The following TEX2 variants were observed in gnomAD, a reference collection of about 807,000 sequenced individuals.
The protein encoded by TEX2 is testis-expressed protein 2.
A neutral mutation model predicts 106.9 loss-of-function variants in TEX2; 53 were observed. That is an observed-to-expected ratio of 0.50 (90% CI 0.40 to 0.62). TEX2 has a LOEUF of 0.62. Among genes scored for constraint, TEX2 ranks in the 20% least tolerant of loss-of-function variants. The probability of loss-of-function intolerance (pLI) is 0.00; values close to 1 mark genes in which losing one functional copy is unlikely to be tolerated. For missense variants in TEX2, 1,207 were observed against 1,379.0 expected (o/e 0.88, Z 1.98); for synonymous variants, 523 against 534.8 (o/e 0.98, Z 0.30).
At position 64,213,735 on chromosome 17, in the gene TEX2, G is replaced by A. The variant is rs2033097380; in HGVS notation, c.483C>T (p.Ser161=). ...SSLSEQKTSS[S]SPLSSPSKSP... is the part of the protein sequence containing the mutation. ...ACTTAGAAGGAGAGGACAATGGGGA[G>A]GAAGAACTGGTTTTCTGCTCAGAAA... Residue 161 remains serine, a synonymous_variant, in exon 2 of 12, where the codon TCC becomes TCT. Transcript: ENST00000584379. The surrounding 1 kb of genome is among the most constrained non-coding windows in gnomAD (Gnocchi z 4.4). 3 of 1,614,054 alleles carry A rather than the reference G, an allele frequency of 1.9e-6. No individual in the cohort carries two copies. The highest frequency in any genetic ancestry group is 8.5e-7 in the Non-Finnish European group (1 of 1,180,052).
chr17:64,240,098 A>G (rs1424030494), intron 1 of TEX2, among the ~76,000 whole-genome samples: 5 of 152,058 alleles, frequency 3.3e-5, no homozygotes, highest in Non-Finnish European at 7.4e-5. Context: ...GGGGGAAAAT[A>G]CAAACTAGTA....
chr17:64,243,683 G>T (rs1354394565), intron 1 of TEX2, among the ~76,000 whole-genome samples: 3 of 152,108 alleles, frequency 2.0e-5, no homozygotes, highest in African/African-American at 4.8e-5. Flanking sequence ...TTAAATGAAG[G>T]GTTCTTAACA....
intron 1 of TEX2, among the ~76,000 whole-genome samples, chr17:64,235,636 A>C (rs1179969065): frequency 6.6e-6 from 1 of 152,218 alleles, no homozygotes; most frequent in African/African-American, 2.4e-5. Context: ...TATTAGGGAT[A>C]TATGTTCCAT....
At chr17:64,170,021 T>A (rs1938277232) in intron 7 of TEX2, among the ~76,000 whole-genome samples, 1 of 152,144 alleles carries the variant, frequency 6.6e-6, no homozygotes, top group South Asian at 2.1e-4. Context: ...TACTAAATTT[T>A]CCCTGTCAAG....
At position 64,153,014 on chromosome 17, in the gene TEX2, G is replaced by A; in HGVS notation, c.3071C>T (p.Thr1024Ile). The A allele has an allele frequency of 6.2e-7, 1 of 1,614,222 alleles. No homozygotes were observed. Among genetic ancestry groups the A allele is most frequent in the Non-Finnish European group, 8.5e-7 (1 of 1,180,040 alleles). The change falls in exon 10 of 12, where the codon ACT becomes ATT. Residue 1024 changes from threonine (T) to isoleucine (I), a missense_variant. This residue lies in a region of TEX2 where 63 missense variants were observed against 112.2 expected (regional missense o/e 0.56). Coordinates refer to ENST00000584379, the MANE Select transcript of TEX2 (RefSeq NM_001288732.2). The surrounding 1 kb of genome is among the most constrained non-coding windows in gnomAD (Gnocchi z 4.1). ...TCCTCTACATTCTTGTACTTCAACA[G>A]TGAGCAGCAGGGGTGTGTTGGAGAC... ...EEVSNTPLLL[T>I]VEVQECRGTL...
chr17:64,216,781 CCACACACT>C (rs2033200867), intron 1 of TEX2, among the ~76,000 whole-genome samples: 2 of 152,288 alleles, frequency 1.3e-5, no homozygotes, highest in South Asian at 4.1e-4. Flanking sequence ...GCCTAATCCT[CCACACACT>C]TGGGCCCCCT....
intron 5 of TEX2, 72 bp from the exon 6 acceptor site, chr17:64,177,543 AGTCACTGAAG>A (rs1360756964): frequency 2.0e-6 from 3 of 1,528,562 alleles, no homozygotes; most frequent in Non-Finnish European, 2.7e-6. Flanking sequence ...ATTTTTATAA[AGTCACTGAAG>A]GTCCCTCCTT....
chr17:64,200,699 T>C (rs1488235218), intron 2 of TEX2, among the ~76,000 whole-genome samples: 6 of 152,142 alleles, frequency 3.9e-5, no homozygotes, highest in African/African-American at 1.4e-4. Flanking sequence ...CACAAAACCT[T>C]ACCTGCTGCA....
At chr17:64,165,035 G>A (rs955926786) in intron 7 of TEX2, among the ~76,000 whole-genome samples, 2 of 152,200 alleles carry the variant, frequency 1.3e-5, no homozygotes, top group Admixed American at 6.5e-5. Flanking sequence ...TGGTCCTCAC[G>A]TTATTTTCTC....
At chr17:64,249,095 C>T (rs1555636637) in intron 1 of TEX2, among the ~76,000 whole-genome samples, 1 of 151,850 alleles carries the variant, frequency 6.6e-6, no homozygotes, top group Non-Finnish European at 1.5e-5. Flanking sequence ...GCCCCCATAC[C>T]TACTGTTTAC....
Position 64,247,640 on chromosome 17 carries a change from T to C in TEX2, c.-26+15528A>G, listed in dbSNP as rs566360998. Among the ~76,000 whole-genome samples the C allele has an allele frequency of 1.7e-4, 26 of 152,350 alleles. No individual in the cohort carries two copies. The East Asian group carries it at 5.0e-3, about 29-fold the overall frequency. ...CTGCAGTTCGCTCACCGGTGTTGTC[T>C]GTGCTCCAGGTTCTTCTACCGTGAA... On this transcript the variant is annotated intron_variant, in intron 1 of 11. Coordinates refer to ENST00000584379, the MANE Select transcript of TEX2 (RefSeq NM_001288732.2).
rs782452945 is a variant in TEX2, at chr17:64,213,452, T to C, written c.766A>G (p.Thr256Ala). The change falls in exon 2 of 12, where the codon ACA becomes GCA. Residue 256 changes from threonine to alanine, a missense_variant. By Grantham distance (58) the Thr-to-Ala change is moderately conservative. Around this residue, in one of 3 missense-constraint regions of TEX2, gnomAD observed 1,067 missense variants for 1,193.6 expected, o/e 0.89. Transcript: ENST00000584379. The surrounding 1 kb of genome is among the most constrained non-coding windows in gnomAD (Gnocchi z 4.4). The part of the protein sequence containing the change: ...LFKQFTQPRN[T>A]GGDSKTAPSS... ...GGTGCAGTTTTGGAATCTCCACCTGTGTTTCGGGGCTGTGTGAACTGCTTG... is the reference window on the plus strand; with the variant it reads ...GGTGCAGTTTTGGAATCTCCACCTGCGTTTCGGGGCTGTGTGAACTGCTTG... 1 of 1,614,126 alleles carries C rather than the reference T, an allele frequency of 6.2e-7. No individual in the cohort carries two copies. The highest frequency in any genetic ancestry group is 1.7e-5 in the Admixed American group (1 of 60,020).
rs373780985 is a variant in TEX2 at position 64,213,733 on chromosome 17, G to T, written c.485C>A (p.Ser162Tyr). Residue 162 changes from serine (S) to tyrosine (Y), a missense_variant, in exon 2 of 12, where the codon TCC becomes TAC. By Grantham distance (144) the Ser-to-Tyr change is moderately radical. This residue lies in a region of TEX2 where 1,067 missense variants were observed against 1,193.6 expected (regional missense o/e 0.89). Transcript: ENST00000584379. This position sits in a 1 kb window ranked among gnomAD's most constrained non-coding sequence, Gnocchi z 4.4. ...SLSEQKTSSS[S>Y]PLSSPSKSPI... ...AGACTTAGAAGGAGAGGACAATGGG[G>T]AGGAAGAACTGGTTTTCTGCTCAGA... 25 of 1,614,184 alleles carry T rather than the reference G, an allele frequency of 1.5e-5. No individual in the cohort carries two copies. Among genetic ancestry groups the T allele is most frequent in the Non-Finnish European group, 2.1e-5 (25 of 1,180,036 alleles).
intron 2 of TEX2, among the ~76,000 whole-genome samples, chr17:64,211,896 C>A (rs181944014): frequency 9.2e-5 from 14 of 152,336 alleles, no homozygotes; most frequent in African/African-American, 3.4e-4. Flanking sequence ...CCTGTAATCC[C>A]AGCACTTTGG....
chr17:64,160,899 C>T lies in TEX2; in HGVS notation c.2706G>A (p.Gly902=), dbSNP rs764238365. 1.9e-6 allele frequency: 3 copies of T among 1,614,020 alleles called. No individual in the cohort carries two copies. Among genetic ancestry groups the T allele is most frequent in the African/African-American group, 1.3e-5 (1 of 74,992 alleles). The change falls in exon 8 of 12, where the codon GGG becomes GGA. Residue 902 remains glycine, a synonymous_variant. Coordinates refer to ENST00000584379, the MANE Select transcript of TEX2 (RefSeq NM_001288732.2). ...TGGTCTCGAGAGTCATCAGAAAGGA[C>T]CCATTGTAGGACATTTCCAAATCAA... ...LWIDLEMSYN[G]SFLMTLETKM... is the part of the protein sequence containing the mutation.
intron 2 of TEX2, among the ~76,000 whole-genome samples, chr17:64,199,880 G>A (rs957128245): frequency 6.6e-5 from 10 of 152,180 alleles, no homozygotes; most frequent in African/African-American, 2.4e-4. Flanking sequence ...TGAATAGAAT[G>A]GGCAAAGCCT....
At chr17:64,169,857 C>T (rs1184323852) in intron 7 of TEX2, among the ~76,000 whole-genome samples, 4 of 152,122 alleles carry the variant, frequency 2.6e-5, no homozygotes, top group Non-Finnish European at 5.9e-5. Context: ...TGTTCCTAAG[C>T]CATTTTAGGA....
In TEX2 at chr17:64,263,156, G is replaced by A. The variant is rs2034329939; in HGVS notation, c.-26+12C>T. ...CCCTCCACCGCCCCCGCCTGGCCCT[G>A]AGACTGCTCACCCAAGATCCGCTGG... On this transcript the variant is annotated intron_variant, in intron 1 of 11. Transcript: ENST00000584379. 6.6e-6 allele frequency: 1 copy of A among 152,210 alleles called. No homozygotes were observed. Among genetic ancestry groups the A allele is most frequent in the South Asian group, 2.1e-4 (1 of 4,834 alleles). 9.4% of individuals were successfully genotyped at this position (152,210 alleles called of 1,614,324 possible).
intron 10 of TEX2, 69 bp from the exon 11 acceptor site, chr17:64,151,030 C>T (rs1400903961): frequency 1.9e-6 from 3 of 1,558,364 alleles, no homozygotes; most frequent in Non-Finnish European, 1.7e-6. Flanking sequence ...TGACAGCAAA[C>T]AGTTCTCATT....
Sources: allele counts gnomAD v4.1 joint callset (sites outside exome capture counted in the v4.1 genomes callset), GRCh38; gene constraint gnomAD v4.1.1; regional missense constraint gnomAD v4.1.1; non-coding constraint Gnocchi (gnomAD v3.1); transcripts MANE v1.5; gene names NCBI Gene and HGNC (gene_info 2026-07-23, HGNC 2026-07-21).